Variants in WWC2 observed in about 807,000 individuals in gnomAD.
WWC2 encodes WW and C2 domain containing 2.
Under a neutral mutation model 138.5 loss-of-function variants are expected in WWC2, and 101 were observed. The ratio of observed to expected loss-of-function variants is 0.73; its 90% CI spans 0.62 to 0.86. The LOEUF is 0.86. WWC2 is among the 40% of genes least tolerant of loss of function. The pLI, the probability that WWC2 is intolerant of heterozygous loss-of-function variation, is 0.00. For synonymous variants in WWC2, 558 were observed against 538.4 expected, an observed-to-expected ratio of 1.04 and a Z score of -0.50; for missense variants, 1,420 against 1,419.4, an observed-to-expected ratio of 1.00 and a Z score of -0.01.
chr4:183,245,325 A>G (rs1736740854), intron 5 of WWC2, 91 bp from the exon 6 acceptor site: 6 of 1,205,938 alleles, frequency 5.0e-6, no homozygotes, highest in Non-Finnish European at 6.5e-6. Flanking sequence ...TAATCATCCA[A>G]CTGAGACAAT....
At chr4:183,298,113 G>T (rs2111094397) in intron 21 of WWC2, among the ~76,000 whole-genome samples, 1 of 152,336 alleles carries the variant, frequency 6.6e-6, no homozygotes, top group Admixed American at 6.5e-5. Flanking sequence ...GAATGAGAAT[G>T]TGTGTTTTCT....
chr4:183,234,034 C>T (rs1194049617), intron 4 of WWC2: 1 of 152,186 alleles, frequency 6.6e-6, no homozygotes, highest in Admixed American at 6.5e-5. Context: ...ACTTTTGAAA[C>T]CTGTCTGTCT....
intron 1 of WWC2, among the ~76,000 whole-genome samples, chr4:183,099,945 C>G (rs931323348): frequency 6.6e-6 from 1 of 152,208 alleles, no homozygotes; most frequent in Non-Finnish European, 1.5e-5. Context: ...TTCGAGGTGC[C>G]CACGTGGAGG....
At chr4:183,221,330 A>G (rs1293090898) in intron 4 of WWC2, among the ~76,000 whole-genome samples, 1 of 152,236 alleles carries the variant, frequency 6.6e-6, no homozygotes, top group Non-Finnish European at 1.5e-5. Context: ...TGAAGGACAA[A>G]TCTCTAATTA....
At chr4:183,187,750 G>C (rs541957301) in intron 1 of WWC2, among the ~76,000 whole-genome samples, 1 of 150,958 alleles carries the variant, frequency 6.6e-6, no homozygotes, top group Admixed American at 6.6e-5. Context: ...GCGCATACCT[G>C]TAATCCTAGC....
intron 1 of WWC2, among the ~76,000 whole-genome samples, chr4:183,173,739 C>T (rs568265244): frequency 2.0e-5 from 3 of 152,114 alleles, no homozygotes; most frequent in South Asian, 4.2e-4. Context: ...GCCAGCTGCC[C>T]GGGGATTCAT....
intron 1 of WWC2, among the ~76,000 whole-genome samples, chr4:183,122,776 C>G (rs1032360434): frequency 2.0e-5 from 3 of 152,100 alleles, no homozygotes; most frequent in South Asian, 2.1e-4. Context: ...AACTTGGCCC[C>G]CCAAAGTGCT....
intron 16 of WWC2, among the ~76,000 whole-genome samples, chr4:183,272,716 T>A (rs1322377152): frequency 1.3e-5 from 2 of 152,232 alleles, no homozygotes; most frequent in Non-Finnish European, 2.9e-5. Flanking sequence ...ATACAATATT[T>A]GTTCTTTTGT....
In WWC2 at chr4:183,147,717, G is replaced by T. The variant is rs79456953; in HGVS notation, c.132-45882G>T. On this transcript the variant is annotated intron_variant, in intron 1 of 22. Transcript: ENST00000403733. ...CATTTAGGATTTCAGTTTTAATTTT[G>T]TTATGAGAGATTTTGAGTGATGTTA... Among the ~76,000 whole-genome samples the T allele has an allele frequency of 5.2e-3, 788 of 152,284 alleles. 5 individuals are homozygous for T. Among genetic ancestry groups the T allele is most frequent in the African/African-American group, 0.018 (761 of 41,566 alleles).
At chr4:183,229,003 G>A (rs1340744124) in intron 4 of WWC2, among the ~76,000 whole-genome samples, 1 of 152,036 alleles carries the variant, frequency 6.6e-6, no homozygotes, top group Non-Finnish European at 1.5e-5. Context: ...GTTCAGAAAA[G>A]ACAAAACTAT....
At chr4:183,228,024 G>A (rs57306674) in intron 4 of WWC2, among the ~76,000 whole-genome samples, 9,933 of 151,940 alleles carry the variant, frequency 0.065, 1,193 homozygotes, top group African/African-American at 0.23. Context: ...AAATACAATG[G>A]TTAAAAGACT....
chr4:183,164,249 T>C (rs1734040560), intron 1 of WWC2, among the ~76,000 whole-genome samples: 1 of 143,722 alleles, frequency 7.0e-6, no homozygotes, highest in African/African-American at 2.6e-5. Flanking sequence ...CCCTGCATTA[T>C]GTGATTTGGT....
intron 1 of WWC2, among the ~76,000 whole-genome samples, chr4:183,122,092 A>G (rs897118975): frequency 3.8e-4 from 58 of 151,672 alleles, no homozygotes; most frequent in African/African-American, 1.2e-3. Context: ...GCCAAGAAGC[A>G]TTTTTTTTCT....
chr4:183,253,775 T>G lies in WWC2; in HGVS notation c.972T>G (p.Ile324Met). The G allele has an allele frequency of 6.2e-7, 1 of 1,610,174 alleles. No homozygotes were observed. Among genetic ancestry groups the G allele is most frequent in the Middle Eastern group, 1.7e-4 (1 of 6,026 alleles). The change falls in exon 9 of 23, where the codon ATT becomes ATG. Residue 324 changes from isoleucine to methionine, a missense_variant. By Grantham distance (10) the Ile-to-Met change is conservative (BLOSUM62 1). Transcript: ENST00000403733. ...EAKRSMANLKIELSKLDSEAW... is the reference protein window; with the variant it reads ...EAKRSMANLKMELSKLDSEAW... Reference sequence around the variant, plus strand: ...TTTTTAGTATGGCCAACTTAAAAATTGAACTGTCAAAATTGGACAGTGAGG... The same window carrying G: ...TTTTTAGTATGGCCAACTTAAAAATGGAACTGTCAAAATTGGACAGTGAGG...
intron 21 of WWC2, among the ~76,000 whole-genome samples, chr4:183,308,933 T>C (rs1739113720): frequency 6.6e-6 from 1 of 152,206 alleles, no homozygotes; most frequent in Non-Finnish European, 1.5e-5. Flanking sequence ...GGGCTGACTA[T>C]ATTCAACTGA....
intron 14 of WWC2, among the ~76,000 whole-genome samples, chr4:183,266,271 T>C (rs1485722087): frequency 6.6e-6 from 1 of 152,252 alleles, no homozygotes; most frequent in Non-Finnish European, 1.5e-5. Flanking sequence ...GTGTAATTGT[T>C]ACTACTGTTG....
At chr4:183,267,734 G>A (rs909995729) in intron 14 of WWC2, among the ~76,000 whole-genome samples, 18 of 152,174 alleles carry the variant, frequency 1.2e-4, no homozygotes, top group African/African-American at 4.1e-4. Context: ...CAACCAATGA[G>A]CAGACATTTG....
intron 1 of WWC2, among the ~76,000 whole-genome samples, chr4:183,146,415 C>T (rs1455377823): frequency 6.6e-6 from 1 of 152,198 alleles, no homozygotes; most frequent in African/African-American, 2.4e-5. Context: ...GGGGTGGATT[C>T]AGTTATGGTA....
rs1324371584 is a variant in WWC2, at chr4:183,220,599, T to C, written c.522+11574T>C. Among the ~76,000 whole-genome samples the C allele has an allele frequency of 6.0e-4, 88 of 145,808 alleles. 1 individual carries two copies. Among genetic ancestry groups the C allele is most frequent in the East Asian group, 1.0e-3 (5 of 4,976 alleles). The stretch of plus-strand genomic sequence containing the variant: ...CCTGTAATTCCAGCACTTTGGGAGG[T>C]CAAGGTGGGCAGATCACAAGGTCAG... On this transcript the variant is annotated intron_variant, in intron 4 of 22. Transcript: ENST00000403733.
Sources: allele counts gnomAD v4.1 joint callset (sites outside exome capture counted in the v4.1 genomes callset), GRCh38; gene constraint gnomAD v4.1.1; transcripts MANE v1.5; gene names NCBI Gene and HGNC (gene_info 2026-07-23, HGNC 2026-07-21).